Variants in PLIN5 observed in about 807,000 individuals in gnomAD.
The protein encoded by PLIN5 is perilipin 5.
PLIN5 carries 34 observed loss-of-function variants against 32.8 expected under a neutral mutation model. The observed-to-expected ratio is 1.04, with a 90% CI of 0.79 to 1.38. The LOEUF is 1.38. Ranked by LOEUF, PLIN5 falls within the 40% of genes most tolerant of loss-of-function variation. The pLI, the probability that PLIN5 is intolerant of heterozygous loss-of-function variation, is 0.00. For synonymous variants in PLIN5, 309 were observed against 292.9 expected (o/e 1.05, Z -0.56); for missense variants, 712 against 660.5 (o/e 1.08, Z -0.85).
At chr19:4,524,409 G>A (rs1327643790) in intron 7 of PLIN5, among the ~76,000 whole-genome samples, 1 of 152,186 alleles carries the variant, frequency 6.6e-6, no homozygotes, top group African/African-American at 2.4e-5. Context: ...AAAATTAGCT[G>A]GGCGTGGTGG....
intron 5 of PLIN5, among the ~76,000 whole-genome samples, chr19:4,526,987 AG>A (rs1484552953): frequency 6.6e-6 from 1 of 152,210 alleles, no homozygotes; most frequent in Non-Finnish European, 1.5e-5. Flanking sequence ...CTGTAATCCC[AG>A]CACTTTGGGA....
chr19:4,523,349 T>G lies in PLIN5; in HGVS notation c.*179A>C. On this transcript the variant is annotated 3_prime_UTR_variant, in exon 8 of 8. Transcript: ENST00000381848. The surrounding 1 kb of genome is among the most constrained non-coding windows in gnomAD (Gnocchi z 5.0). Reference sequence around the variant, plus strand: ...CTGCTCCCCCGGGCCTCTTTGTCCATGTGTTCAAGGAAAAAATGGGAGAGT... The same window carrying G: ...CTGCTCCCCCGGGCCTCTTTGTCCAGGTGTTCAAGGAAAAAATGGGAGAGT... The G allele has an allele frequency of 1.5e-6, 1 of 661,824 alleles. No individual in the cohort carries two copies. Among genetic ancestry groups the G allele is most frequent in the Non-Finnish European group, 2.3e-6 (1 of 429,946 alleles). 41.0% of individuals were successfully genotyped at this position (661,824 alleles called of 1,614,324 possible). A position where few individuals can be genotyped will look rare whatever the true frequency, so the allele number is the denominator to read the frequency against.
chr19:4,531,740 T>C lies in PLIN5; in HGVS notation c.143A>G (p.Asp48Gly). The change falls in exon 3 of 8, where the codon GAC (aspartate) becomes GGC (glycine). Residue 48 changes from aspartate to glycine, a missense_variant. Transcript: ENST00000381848. The stretch of plus-strand genomic sequence containing the variant: ...GGCGGAGCCCAGCAGCGGGTGCCTG[T>C]CCTTGGCTGCACTGTAAACATCGCA... ...AVCDVYSAAK[D>G]RHPLLGSACR... 1.9e-6 allele frequency: 3 copies of C among 1,600,738 alleles called. No individual in the cohort carries two copies. The highest frequency in any genetic ancestry group is 2.6e-6 in the Non-Finnish European group (3 of 1,176,290).
Position 4,531,747 on chromosome 19 carries a change from C to A in PLIN5, c.136G>T (p.Ala46Ser). The change falls in exon 3 of 8, where the codon GCC (alanine) becomes TCC (serine). Residue 46 changes from alanine (A) to serine (S), a missense_variant. Physicochemically the swap from Ala to Ser is moderately conservative, Grantham distance 99. Transcript: ENST00000381848. ...CCCAGCAGCGGGTGCCTGTCCTTGG[C>A]TGCACTGTAAACATCGCAGACCGCG... ...CTAVCDVYSA[A>S]KDRHPLLGSA... 6.2e-7 allele frequency: 1 copy of A among 1,602,086 alleles called. No individual in the cohort carries two copies.
At chr19:4,534,398 AC>A in intron 1 of PLIN5, 1 of 325,998 alleles carries the variant, frequency 3.1e-6, no homozygotes, top group Non-Finnish European at 5.7e-6. Flanking sequence ...TTTTTTAAAG[AC>A]AGAATCTCTC....
At chr19:4,530,277 G>A (rs1386212760) in intron 3 of PLIN5, among the ~76,000 whole-genome samples, 1 of 152,132 alleles carries the variant, frequency 6.6e-6, no homozygotes, top group African/African-American at 2.4e-5. Context: ...CACCCACCCT[G>A]TTCTCCCAGC....
At position 4,525,484 on chromosome 19, in the gene PLIN5, TC is replaced by T. The variant is rs1158189375; in HGVS notation, c.720+148del. On this transcript the variant is annotated intron_variant, in intron 6 of 7. Coordinates refer to ENST00000381848, the MANE Select transcript of PLIN5 (RefSeq NM_001013706.3). The surrounding 1 kb of genome is among the most constrained non-coding windows in gnomAD (Gnocchi z 5.6). ...ATCCCTGGGCTCCTCCAGGCCCGGG[TC>T]CCCCAGCCCTGAACACATGCAGCTG... 1.4e-5 allele frequency: 13 copies of T among 956,750 alleles called. No individual in the cohort carries two copies. Among genetic ancestry groups the T allele is most frequent in the Non-Finnish European group, 2.0e-5 (13 of 658,090 alleles). The allele number at this position is 956,750 out of a possible 1,614,324, so 59.3% of individuals were successfully genotyped here.
rs777623784 is a variant in PLIN5, at chr19:4,529,380, C to T, written c.340-127G>A. The T allele has an allele frequency of 4.7e-6, 5 of 1,063,152 alleles. No homozygotes were observed. In the South Asian group the frequency reaches 6.5e-5, roughly 14 times the overall value. The allele number at this position is 1,063,152 out of a possible 1,614,324, so 65.9% of individuals were successfully genotyped here. A position where few individuals can be genotyped will look rare whatever the true frequency, so the allele number is the denominator to read the frequency against. ...ACCTGGCTCCGTGCCTCAGTTTCCC[C>T]TATAAAATGGGTGATAAAACCCTTC... On this transcript the variant is annotated intron_variant, in intron 4 of 7. Transcript: ENST00000381848.
In PLIN5 at chr19:4,525,553, C is replaced by A. The variant is rs1047475755; in HGVS notation, c.720+80G>T. 13 of 1,535,124 alleles carry A rather than the reference C, an allele frequency of 8.5e-6. No homozygotes were observed. The South Asian group carries it at 1.3e-4, about 15-fold the overall frequency. On this transcript the variant is annotated intron_variant, in intron 6 of 7. Transcript: ENST00000381848. This position sits in a 1 kb window ranked among gnomAD's most constrained non-coding sequence, Gnocchi z 5.6. Reference sequence around the variant, plus strand: ...CTCCGCCTCCTGCTTTAGGCTAGCACGGGATCCGGTATTCAGCTGGTGCTC... The same window carrying A: ...CTCCGCCTCCTGCTTTAGGCTAGCAAGGGATCCGGTATTCAGCTGGTGCTC...
In PLIN5 at chr19:4,523,409, G is replaced by A. The variant is rs1976754890; in HGVS notation, c.*119C>T. 1 of 1,178,848 alleles carries A rather than the reference G, an allele frequency of 8.5e-7. No homozygotes were observed. Among genetic ancestry groups the A allele is most frequent in the Non-Finnish European group, 1.2e-6 (1 of 861,846 alleles). The allele number at this position is 1,178,848 out of a possible 1,614,324, so 73.0% of individuals were successfully genotyped here. A position where few individuals can be genotyped will look rare whatever the true frequency, so the allele number is the denominator to read the frequency against. Reference sequence around the variant, plus strand: ...AAAAGGTGGTCAGAGATCCGGAGTTGGGCCTGATTCCAAAGAAGGGTCAAG... The same window carrying A: ...AAAAGGTGGTCAGAGATCCGGAGTTAGGCCTGATTCCAAAGAAGGGTCAAG... On this transcript the variant is annotated 3_prime_UTR_variant, in exon 8 of 8. Coordinates refer to ENST00000381848, the MANE Select transcript of PLIN5 (RefSeq NM_001013706.3). The surrounding 1 kb of genome is among the most constrained non-coding windows in gnomAD (Gnocchi z 5.0).
chr19:4,531,246 G>T (rs910383851), intron 3 of PLIN5, among the ~76,000 whole-genome samples: 1 of 151,576 alleles, frequency 6.6e-6, no homozygotes, highest in Non-Finnish European at 1.5e-5. Context: ...TGATCCAACC[G>T]CCTCAGCCTC....
At position 4,524,952 on chromosome 19, in the gene PLIN5, T is replaced by G; in HGVS notation, c.834+11A>C. The G allele has an allele frequency of 6.5e-7, 1 of 1,529,688 alleles. No individual in the cohort carries two copies. Among genetic ancestry groups the G allele is most frequent in the Non-Finnish European group, 8.8e-7 (1 of 1,138,216 alleles). 94.8% of individuals were successfully genotyped at this position (1,529,688 alleles called of 1,614,324 possible). A position where few individuals can be genotyped will look rare whatever the true frequency, so the allele number is the denominator to read the frequency against. On this transcript the variant is annotated intron_variant, in intron 7 of 7. Transcript: ENST00000381848. ...CAGACACCACCTCACCTGGCACTCC[T>G]GCGGTCTCACCTGGCTCCGGCGGCG...
At chr19:4,533,863 G>C (rs1423798016) in intron 2 of PLIN5, 152 bp downstream of exon 2, 6 of 851,572 alleles carry the variant, frequency 7.0e-6, no homozygotes, top group Middle Eastern at 2.6e-4. Flanking sequence ...CTAGGAAATA[G>C]ACCATCCCCT....
At chr19:4,534,580 A>G (rs1785125919) in intron 1 of PLIN5, among the ~76,000 whole-genome samples, 2 of 152,156 alleles carry the variant, frequency 1.3e-5, no homozygotes, top group African/African-American at 2.4e-5. Context: ...CATGTTGCCC[A>G]GGCTGGTCTC....
intron 5 of PLIN5, among the ~76,000 whole-genome samples, chr19:4,527,985 C>T (rs1464431676): frequency 1.3e-5 from 2 of 151,586 alleles, no homozygotes; most frequent in African/African-American, 4.8e-5. Flanking sequence ...TCTCTGCTCA[C>T]TGCAAGCTCC....
At chr19:4,529,415 G>T (rs774462099) in intron 4 of PLIN5, 162 bp from the exon 5 acceptor site, 9 of 721,478 alleles carry the variant, frequency 1.2e-5, no homozygotes, top group Non-Finnish European at 2.0e-5. Context: ...CCCTCACAGA[G>T]GGTGTTGAGG....
Position 4,523,518 on chromosome 19 carries a change from G to A in PLIN5, c.*10C>T, listed in dbSNP as rs1305988378. On this transcript the variant is annotated 3_prime_UTR_variant, in exon 8 of 8. Transcript: ENST00000381848. This position sits in a 1 kb window ranked among gnomAD's most constrained non-coding sequence, Gnocchi z 5.0. ...GTGGCCTTTCCTCCCCGCCTCCACT[G>A]GCCCATGGGTCAGAAGTCCAGCTCG... is the stretch of plus-strand genomic sequence containing the variant. 1 of 1,540,054 alleles carries A rather than the reference G, an allele frequency of 6.5e-7. No individual in the cohort carries two copies. Among genetic ancestry groups the A allele is most frequent in the East Asian group, 2.3e-5 (1 of 42,800 alleles).
rs371042131 is a variant in PLIN5, at chr19:4,529,772, C to T, written c.339+12G>A. 2.1e-5 allele frequency: 34 copies of T among 1,610,000 alleles called. No homozygotes were observed. The highest frequency in any genetic ancestry group is 1.7e-4 in the Middle Eastern group (1 of 6,052). On this transcript the variant is annotated intron_variant, in intron 4 of 7. Coordinates refer to ENST00000381848, the MANE Select transcript of PLIN5 (RefSeq NM_001013706.3). ...CCCACTGGAGGTCCCCATGTCTAGT[C>T]GTCCGGGGTACCGTCTCCGAAGGTT...
rs143360901 is a variant in PLIN5 at position 4,534,328 on chromosome 19, C to G, written c.-21-233G>C. 15 of 536,694 alleles carry G rather than the reference C, an allele frequency of 2.8e-5. No homozygotes were observed. The East Asian group carries it at 4.5e-4, about 16-fold the overall frequency. The allele number at this position is 536,694 out of a possible 1,614,324, so 33.2% of individuals were successfully genotyped here. On this transcript the variant is annotated intron_variant, in intron 1 of 7. Coordinates refer to ENST00000381848, the MANE Select transcript of PLIN5 (RefSeq NM_001013706.3). ...GCCGGAGTGACTCGAAGCATGGTCT[C>G]TGAGGTGAGAAAGACCTGGGTTCAA...
Sources: gnomAD v4.1 joint callset for allele counts (sites outside exome capture counted in the v4.1 genomes callset) on GRCh38, gnomAD v4.1.1 for gene constraint, Gnocchi (gnomAD v3.1) non-coding constraint, MANE v1.5 for transcripts, NCBI Gene and HGNC (gene_info 2026-07-23, HGNC 2026-07-21) for gene names.